EVPL: variants seen among roughly 807,000 people sequenced by gnomAD.
EVPL encodes the protein envoplakin, also known as 210 kDa cornified envelope precursor protein.
EVPL carries 94 observed loss-of-function variants against 129.7 expected under a neutral mutation model. The observed-to-expected ratio is 0.72, with a 90% CI of 0.61 to 0.86. EVPL has a LOEUF of 0.86. Ranked by LOEUF, EVPL falls within the 40% of genes least tolerant of loss-of-function variation. The pLI, the probability that EVPL is intolerant of heterozygous loss-of-function variation, is 0.00. For synonymous variants in EVPL, 1,172 were observed against 1,191.1 expected (o/e 0.98, Z 0.33); for missense variants, 2,625 against 2,721.1 (o/e 0.96, Z 0.79).
intron 8 of EVPL, 53 bp from the exon 9 acceptor site, chr17:76,021,616 A>ACCCCC: frequency 8.5e-7 from 1 of 1,174,138 alleles, no homozygotes; most frequent in Non-Finnish European, 1.1e-6. Flanking sequence ...CGTCCGCCCC[A>ACCCCC]CCTCCCCCCT....
chr17:76,021,340 G>A, intron 9 of EVPL, 128 bp downstream of exon 9: 1 of 853,428 alleles, frequency 1.2e-6, no homozygotes, highest in Non-Finnish European at 1.8e-6. Context: ...ACAGGTGTGA[G>A]CCACCGCGCC....
At chr17:76,016,832 G>C (rs1453080317) in intron 14 of EVPL, among the ~76,000 whole-genome samples, 2 of 151,952 alleles carry the variant, frequency 1.3e-5, no homozygotes, top group African/African-American at 4.8e-5. Flanking sequence ...CTCAAGCCTG[G>C]GAGGTGGAGG....
intron 1 of EVPL, among the ~76,000 whole-genome samples, chr17:76,025,708 C>A (rs534951825): frequency 6.6e-6 from 1 of 152,230 alleles, no homozygotes; most frequent in Non-Finnish European, 1.5e-5. Context: ...TGCCTTGATC[C>A]CTATCGGGGT....
rs539593964 is a variant in EVPL, at chr17:76,021,455, C to A, written c.1011+13G>T. On this transcript the variant is annotated intron_variant, in intron 9 of 21. Transcript: ENST00000301607. ...CCGCCCCTGCCGCCCCTGCCGCCTG[C>A]CCGAGGGCTCACCCGGCGGTAGTCC... The A allele has an allele frequency of 8.9e-5, 142 of 1,600,910 alleles. No homozygotes were observed. The highest frequency in any genetic ancestry group is 1.1e-4 in the Non-Finnish European group (130 of 1,174,926).
chr17:76,013,291 C>T lies in EVPL; in HGVS notation c.2373+1135G>A, dbSNP rs1052721219. ...AGGGCTGAGAATCTCTGTCCCAGGC[C>T]CCCTTCCCAATGTCACCTCCCTACT... is the stretch of plus-strand genomic sequence containing the variant. On this transcript the variant is annotated intron_variant, in intron 18 of 21. Coordinates refer to ENST00000301607, the MANE Select transcript of EVPL (RefSeq NM_001988.4). The surrounding 1 kb of genome is among the most constrained non-coding windows in gnomAD (Gnocchi z 4.3). 6.6e-6 allele frequency among the ~76,000 whole-genome samples: 1 copy of T among 152,040 alleles called. No individual in the cohort carries two copies. The highest frequency in any genetic ancestry group is 1.5e-5 in the Non-Finnish European group (1 of 67,998).
At position 76,022,588 on chromosome 17, in the gene EVPL, A is replaced by G; in HGVS notation, c.481-50T>C. The G allele has an allele frequency of 6.5e-7, 1 of 1,550,076 alleles. No individual in the cohort carries two copies. The highest frequency in any genetic ancestry group is 8.7e-7 in the Non-Finnish European group (1 of 1,148,142). ...CCCCAAAGGACCGCGGTGGGGAGCC[A>G]GAGAACCCCACACGCCTCCCACCCG... On this transcript the variant is annotated intron_variant, in intron 4 of 21. Transcript: ENST00000301607. This position sits in a 1 kb window ranked among gnomAD's most constrained non-coding sequence, Gnocchi z 5.6.
intron 21 of EVPL, 74 bp from the exon 22 acceptor site, chr17:76,010,617 A>G (rs569766016): frequency 1.4e-6 from 2 of 1,463,042 alleles, no homozygotes; most frequent in African/African-American, 1.4e-5. Context: ...CTGAGATGAA[A>G]GACCCCTCCC....
intron 19 of EVPL, 45 bp from the exon 20 acceptor site, chr17:76,011,927 G>C (rs2066380346): frequency 6.2e-7 from 1 of 1,604,472 alleles, no homozygotes; most frequent in Middle Eastern, 1.7e-4. Flanking sequence ...CAGTGGGGGA[G>C]GCTGGGTGTG....
At position 76,024,986 on chromosome 17, in the gene EVPL, G is replaced by A. The variant is rs572010992; in HGVS notation, c.99-866C>T. ...GCTGGGGCAGGAGAAGCCTTGAACT[G>A]GGTCAAAGGATGGGCCCCCCCAGGC... is the stretch of plus-strand genomic sequence containing the variant. On this transcript the variant is annotated intron_variant, in intron 1 of 21. Transcript: ENST00000301607. This position sits in a 1 kb window ranked among gnomAD's most constrained non-coding sequence, Gnocchi z 4.5. 6.6e-6 allele frequency among the ~76,000 whole-genome samples: 1 copy of A among 152,324 alleles called. No homozygotes were observed. The highest frequency in any genetic ancestry group is 2.4e-5 in the African/African-American group (1 of 41,564).
rs372570634 is a variant in EVPL at position 76,010,451 on chromosome 17, C to T, written c.2754G>A (p.Lys918=). 1 of 1,614,086 alleles carries T rather than the reference C, an allele frequency of 6.2e-7. No individual in the cohort carries two copies. The highest frequency in any genetic ancestry group is 1.7e-5 in the Admixed American group (1 of 60,028). ...GCTTCCTCTCCTCTTCCAGCTGGGC[C>T]TTCAGGGCCTCTGACTCTCTCCCTG... ...AQAGRESEAL[K]AQLEEERKRV... The change falls in exon 22 of 22, where the codon AAG becomes AAA. Residue 918 remains lysine, a synonymous_variant. Transcript: ENST00000301607.
rs762654393 is a variant in EVPL at position 76,009,160 on chromosome 17, C to A, written c.4045G>T (p.Asp1349Tyr). ...EAAQKRRAAE[D>Y]AVYELQSKRL... Reference sequence around the variant, plus strand: ...TTGCTCTGCAGCTCGTACACCGCGTCCTCCGCGGCCCGCCTCTTCTGGGCC... The same window carrying A: ...TTGCTCTGCAGCTCGTACACCGCGTACTCCGCGGCCCGCCTCTTCTGGGCC... Residue 1349 changes from aspartate to tyrosine, a missense_variant, in exon 22 of 22, where the codon GAC becomes TAC. This residue lies in a region of EVPL where 1,453 missense variants were observed against 1,511.8 expected (regional missense o/e 0.96). Coordinates refer to ENST00000301607, the MANE Select transcript of EVPL (RefSeq NM_001988.4). This position sits in a 1 kb window ranked among gnomAD's most constrained non-coding sequence, Gnocchi z 5.9. 4 of 1,608,414 alleles carry A rather than the reference C, an allele frequency of 2.5e-6. No individual in the cohort carries two copies. The Admixed American group carries it at 6.7e-5, about 27-fold the overall frequency.
rs764339679 is a variant in EVPL at position 76,008,478 on chromosome 17, CG to C, written c.4726del (p.Arg1576GlyfsTer91). 10 of 1,598,086 alleles carry C rather than the reference CG, an allele frequency of 6.3e-6. No homozygotes were observed. The East Asian group carries it at 2.3e-4, about 36-fold the overall frequency. ...GGCCCTCTGCAGCTCGGACTCCTCC[CG>C]GGACCAGGTTCTCCCCAGCGTCTCG... Reference protein sequence around the residue: ...RAETLGRTWSREESELQRARD... With the variant: ...RAETLGRTWSXEESELQRARD... On this transcript the variant is annotated frameshift_variant, in exon 22 of 22. Coordinates refer to ENST00000301607, the MANE Select transcript of EVPL (RefSeq NM_001988.4). LOFTEE classifies it low-confidence loss of function (END_TRUNC). This position sits in a 1 kb window ranked among gnomAD's most constrained non-coding sequence, Gnocchi z 7.4.
chr17:76,015,438 C>T lies in EVPL; in HGVS notation c.1889+12G>A. The T allele has an allele frequency of 5.0e-6, 8 of 1,610,682 alleles. No homozygotes were observed. The highest frequency in any genetic ancestry group is 6.8e-6 in the Non-Finnish European group (8 of 1,178,244). ...CTGCCCTGCGTGGCTGCCCTGTCCC[C>T]AGAGCACTCACTTCTCCCCGTAGAG... On this transcript the variant is annotated intron_variant, in intron 15 of 21. Coordinates refer to ENST00000301607, the MANE Select transcript of EVPL (RefSeq NM_001988.4).
rs557309693 is a variant in EVPL, at chr17:76,022,740, C to T, written c.481-202G>A. Reference sequence around the variant, plus strand: ...CCCCTGAGTCCCACTGGTTCCCAGACGCTGGGCTCAGCCTCTAAGAAGTCT... The same window carrying T: ...CCCCTGAGTCCCACTGGTTCCCAGATGCTGGGCTCAGCCTCTAAGAAGTCT... On this transcript the variant is annotated intron_variant, in intron 4 of 21. Coordinates refer to ENST00000301607, the MANE Select transcript of EVPL (RefSeq NM_001988.4). This position sits in a 1 kb window ranked among gnomAD's most constrained non-coding sequence, Gnocchi z 5.6. Among the ~76,000 whole-genome samples the T allele has an allele frequency of 6.6e-6, 1 of 152,296 alleles. No individual in the cohort carries two copies. The highest frequency in any genetic ancestry group is 1.9e-4 in the East Asian group (1 of 5,180).
Position 76,022,483 on chromosome 17 carries a change from A to G in EVPL, c.536T>C (p.Ile179Thr), listed in dbSNP as rs747152173. The change falls in exon 5 of 22, where the codon ATC becomes ACC. Residue 179 changes from isoleucine to threonine, a missense_variant. Ile to Thr is a moderately conservative substitution (Grantham distance 89). Coordinates refer to ENST00000301607, the MANE Select transcript of EVPL (RefSeq NM_001988.4). The surrounding 1 kb of genome is among the most constrained non-coding windows in gnomAD (Gnocchi z 5.6). Reference protein sequence around the residue: ...GPGMAELEQQIAEHNILQKEI... With the variant: ...GPGMAELEQQTAEHNILQKEI... ...CTTCTGCAGGATGTTGTGCTCGGCG[A>G]TCTGTTGCTCCAGCTCCGCCATGCC... The G allele has an allele frequency of 6.2e-7, 1 of 1,613,140 alleles. No homozygotes were observed. Among genetic ancestry groups the G allele is most frequent in the South Asian group, 1.1e-5 (1 of 90,858 alleles).
Position 76,007,802 on chromosome 17 carries a change from G to A in EVPL, c.5403C>T (p.Leu1801=), listed in dbSNP as rs905158324. 16 of 1,611,188 alleles carry A rather than the reference G, an allele frequency of 9.9e-6. No homozygotes were observed. The highest frequency in any genetic ancestry group is 2.2e-5 in the East Asian group (1 of 44,792). Residue 1801 remains leucine (L), a synonymous_variant, in exon 22 of 22, where the codon CTC becomes CTT. Coordinates refer to ENST00000301607, the MANE Select transcript of EVPL (RefSeq NM_001988.4). This position sits in a 1 kb window ranked among gnomAD's most constrained non-coding sequence, Gnocchi z 8.8. ...SIGSIISKSP[L]ASPAPQSTSF... ...TGGTGCTCTGGGGGGCCGGGGAGGC[G>A]AGCGGGGACTTGGAGATGATAGAGC...
In EVPL at chr17:76,007,521, C is replaced by G. The variant is rs763250522; in HGVS notation, c.5684G>C (p.Arg1895Thr). Reference protein sequence around the residue: ...RGLIENTSTQRLLNAQKAFTG... With the variant: ...RGLIENTSTQTLLNAQKAFTG... ...GAAGGCCTTCTGGGCGTTAAGCAGC[C>G]TCTGTGTGGAGGTGTTCTCGATCAG... The change falls in exon 22 of 22, where the codon AGG becomes ACG. Residue 1895 changes from arginine to threonine, a missense_variant. Arg to Thr is a moderately conservative substitution (Grantham distance 71). Coordinates refer to ENST00000301607, the MANE Select transcript of EVPL (RefSeq NM_001988.4). The surrounding 1 kb of genome is among the most constrained non-coding windows in gnomAD (Gnocchi z 8.8). The G allele has an allele frequency of 2.5e-6, 4 of 1,613,936 alleles. No homozygotes were observed. In the South Asian group the frequency reaches 3.3e-5, roughly 13 times the overall value.
intron 18 of EVPL, among the ~76,000 whole-genome samples, 178 bp downstream of exon 18, chr17:76,014,248 G>C (rs949176231): frequency 6.6e-6 from 1 of 152,204 alleles, no homozygotes; most frequent in Admixed American, 6.5e-5. Context: ...TGCCCCAGTC[G>C]GGCCAGACAG....
At position 76,022,887 on chromosome 17, in the gene EVPL, A is replaced by G. The variant is rs760108222; in HGVS notation, c.481-349T>C. On this transcript the variant is annotated intron_variant, in intron 4 of 21. Transcript: ENST00000301607. This position sits in a 1 kb window ranked among gnomAD's most constrained non-coding sequence, Gnocchi z 5.6. The stretch of plus-strand genomic sequence containing the variant: ...CCGGGCCCTTCCCCACTGTCCCTCT[A>G]TTGTCATGATGACACCCCTTCTGTG... 1.1e-4 allele frequency among the ~76,000 whole-genome samples: 16 copies of G among 151,990 alleles called. No individual in the cohort carries two copies. Among genetic ancestry groups the G allele is most frequent in the South Asian group, 1.0e-3 (5 of 4,796 alleles).
Sources: gnomAD v4.1 joint callset for allele counts (sites outside exome capture counted in the v4.1 genomes callset) on GRCh38, gnomAD v4.1.1 for gene constraint, gnomAD v4.1.1 regional missense constraint, Gnocchi (gnomAD v3.1) non-coding constraint, MANE v1.5 for transcripts, NCBI Gene and HGNC (gene_info 2026-07-23, HGNC 2026-07-21) for gene names.